DSCAM: variants seen among roughly 807,000 people sequenced by gnomAD.
DSCAM encodes the protein cell adhesion molecule DSCAM.
Under a neutral mutation model 217.7 loss-of-function variants are expected in DSCAM, and 47 were observed. The observed-to-expected ratio is 0.22, with a 90% CI of 0.17 to 0.28. DSCAM has a LOEUF of 0.28. Ranked by LOEUF, DSCAM falls within the 10% of genes least tolerant of loss-of-function variation. The probability of loss-of-function intolerance (pLI) is 1.00; values close to 1 mark genes in which losing one functional copy is unlikely to be tolerated. For missense variants in DSCAM, 2,080 were observed against 2,618.3 expected (o/e 0.79, Z 4.49); for synonymous variants, 1,056 against 1,015.3 (o/e 1.04, Z -0.76).
chr21:40,291,324 A>G (rs1286130789), intron 10 of DSCAM, among the ~76,000 whole-genome samples: 1 of 152,226 alleles, frequency 6.6e-6, no homozygotes, highest in Admixed American at 6.5e-5. Context: ...AGCATGAGGC[A>G]GATCACACCA....
At chr21:40,502,798 CAT>C (rs113247925) in intron 3 of DSCAM, among the ~76,000 whole-genome samples, 2,734 of 152,280 alleles carry the variant, frequency 0.018, 75 homozygotes, top group African/African-American at 0.057. Flanking sequence ...TAGGACATAA[CAT>C]ATTCACAGGT....
At chr21:40,663,239 C>G (rs939034170) in intron 3 of DSCAM, among the ~76,000 whole-genome samples, 1 of 108,490 alleles carries the variant, frequency 9.2e-6, no homozygotes, top group African/African-American at 3.7e-5. Context: ...GGAATATAAG[C>G]ATGTGAGTGT....
chr21:40,027,020 G>A (rs1601241170), intron 32 of DSCAM, among the ~76,000 whole-genome samples: 2 of 152,308 alleles, frequency 1.3e-5, no homozygotes, highest in East Asian at 3.8e-4. Flanking sequence ...GGTACCGGTT[G>A]TTCCTTTCCA....
At chr21:40,474,151 G>C (rs2075913262) in intron 3 of DSCAM, among the ~76,000 whole-genome samples, 1 of 152,102 alleles carries the variant, frequency 6.6e-6, no homozygotes, top group South Asian at 2.1e-4. Flanking sequence ...CAATTAGCTG[G>C]GTGTGGTGGC....
At chr21:40,108,965 G>A (rs2089858414) in intron 20 of DSCAM, among the ~76,000 whole-genome samples, 1 of 152,180 alleles carries the variant, frequency 6.6e-6, no homozygotes, top group Non-Finnish European at 1.5e-5. Context: ...GATTGAAGCT[G>A]GCTCCCTTCC....
intron 19 of DSCAM, among the ~76,000 whole-genome samples, chr21:40,125,122 T>C (rs371717395): frequency 6.6e-6 from 1 of 152,112 alleles, no homozygotes; most frequent in Non-Finnish European, 1.5e-5. Context: ...ATGGAAATAT[T>C]GTTGATGAAT....
At chr21:40,323,351 G>T (rs555586080) in intron 8 of DSCAM, among the ~76,000 whole-genome samples, 2 of 152,268 alleles carry the variant, frequency 1.3e-5, no homozygotes, top group Admixed American at 1.3e-4. Context: ...AACCAGGTCT[G>T]TGTGTGACAC....
intron 16 of DSCAM, among the ~76,000 whole-genome samples, chr21:40,158,394 A>C (rs951250432): frequency 6.6e-6 from 1 of 152,156 alleles, no homozygotes; most frequent in Non-Finnish European, 1.5e-5. Context: ...ACCCTGTCTC[A>C]AAACAAAAAC....
At position 40,780,398 on chromosome 21, in the gene DSCAM, CGTGTGTGT is replaced by C. The variant is rs140268971; in HGVS notation, c.43+66213_43+66220del. Reference sequence around the variant, plus strand: ...TGCCTCACCTATTTCCAAATATAAACGTGTGTGTGTGTGTGTGTGTGTGTGTATATATA... The same window carrying C: ...TGCCTCACCTATTTCCAAATATAAACGTGTGTGTGTGTGTGTGTATATATA... On this transcript the variant is annotated intron_variant, in intron 1 of 32. Transcript: ENST00000400454. Among the ~76,000 whole-genome samples, 148 of 108,626 alleles carry C rather than the reference CGTGTGTGT, an allele frequency of 1.4e-3. 6 individuals are homozygous for C. Among genetic ancestry groups the C allele is most frequent in the South Asian group, 7.9e-3 (25 of 3,148 alleles). The allele number at this position is 108,626 out of a possible 152,430, so 71.3% of individuals were successfully genotyped here. A position where few individuals can be genotyped will look rare whatever the true frequency, so the allele number is the denominator to read the frequency against.
chr21:40,144,826 T>G lies in DSCAM; in HGVS notation c.3019-95A>C. On this transcript the variant is annotated intron_variant, in intron 16 of 32. Transcript: ENST00000400454. This position sits in a 1 kb window ranked among gnomAD's most constrained non-coding sequence, Gnocchi z 4.8. ...CCCACGTAGGAAAGCAGAAATAAAG[T>G]GGAGTCATCGCCACGATGCTGGGGC... The G allele has an allele frequency of 6.5e-7, 1 of 1,546,460 alleles. No individual in the cohort carries two copies. The highest frequency in any genetic ancestry group is 1.2e-5 in the South Asian group (1 of 84,330).
At chr21:40,637,671 T>TATA in intron 3 of DSCAM, among the ~76,000 whole-genome samples, 1 of 107,980 alleles carries the variant, frequency 9.3e-6, no homozygotes, top group Non-Finnish European at 1.8e-5. Flanking sequence ...ATATATAAAT[T>TATA]TTTTTCTTTT....
chr21:40,053,024 T>C (rs1414068232), intron 29 of DSCAM, among the ~76,000 whole-genome samples: 1 of 152,240 alleles, frequency 6.6e-6, no homozygotes, highest in Non-Finnish European at 1.5e-5. Flanking sequence ...CCCAGGATGC[T>C]GTTGCTAAGA....
At chr21:40,709,343 TTTTA>T (rs908233557) in intron 1 of DSCAM, among the ~76,000 whole-genome samples, 6 of 152,322 alleles carry the variant, frequency 3.9e-5, no homozygotes, top group South Asian at 2.1e-4. Flanking sequence ...ATGTAAAACA[TTTTA>T]TTTTTTATTA....
At chr21:40,417,833 A>C (rs918207066) in intron 3 of DSCAM, among the ~76,000 whole-genome samples, 2 of 151,482 alleles carry the variant, frequency 1.3e-5, no homozygotes, top group Admixed American at 1.3e-4. Context: ...AACAAAATAC[A>C]AAAAAAAAGT....
At chr21:40,218,133 T>A (rs2091259948) in intron 11 of DSCAM, among the ~76,000 whole-genome samples, 1 of 152,054 alleles carries the variant, frequency 6.6e-6, no homozygotes, top group Non-Finnish European at 1.5e-5. Context: ...TGGTTTTGGG[T>A]TTTACGTCTT....
intron 8 of DSCAM, among the ~76,000 whole-genome samples, chr21:40,319,625 T>C (rs1001747499): frequency 2.6e-5 from 4 of 152,190 alleles, no homozygotes; most frequent in Admixed American, 6.5e-5. Context: ...TACTGGATTA[T>C]ATAAATTTTT....
chr21:40,445,540 G>T (rs2075667741), intron 3 of DSCAM, among the ~76,000 whole-genome samples: 1 of 152,156 alleles, frequency 6.6e-6, no homozygotes, highest in Admixed American at 6.5e-5. Context: ...TCATTAGTCA[G>T]CTAATTTCAT....
intron 3 of DSCAM, among the ~76,000 whole-genome samples, chr21:40,583,140 A>C (rs1361668156): frequency 6.6e-6 from 1 of 152,250 alleles, no homozygotes; most frequent in Non-Finnish European, 1.5e-5. Context: ...TTAGAAAACC[A>C]GTACTGAAGT....
At chr21:40,591,122 T>C (rs1259056598) in intron 3 of DSCAM, among the ~76,000 whole-genome samples, 8 of 152,148 alleles carry the variant, frequency 5.3e-5, no homozygotes, top group Admixed American at 2.6e-4. Context: ...AGGTGTTTGG[T>C]AGAACTTCCT....
Sources: gnomAD v4.1 joint callset for allele counts (sites outside exome capture counted in the v4.1 genomes callset) on GRCh38, gnomAD v4.1.1 for gene constraint, Gnocchi (gnomAD v3.1) non-coding constraint, MANE v1.5 for transcripts, NCBI Gene and HGNC (gene_info 2026-07-23, HGNC 2026-07-21) for gene names.